Variants in TNFRSF10A observed in about 807,000 individuals in gnomAD.
The protein encoded by TNFRSF10A is TNF receptor superfamily member 10a, also known as tumor necrosis factor receptor superfamily member 10A.
In TNFRSF10A, 44 loss-of-function variants were observed where a neutral mutation model predicts 42.8. The ratio of observed to expected loss-of-function variants is 1.03; its 90% CI spans 0.81 to 1.32. The LOEUF is 1.32. TNFRSF10A is among the 40% of genes most tolerant of loss of function. The pLI, the probability that TNFRSF10A is intolerant of heterozygous loss-of-function variation, is 0.00. For missense variants in TNFRSF10A, 680 were observed against 602.0 expected (o/e 1.13, Z -1.36); for synonymous variants, 259 against 234.2 (o/e 1.11, Z -0.97).
intron 2 of TNFRSF10A, among the ~76,000 whole-genome samples, chr8:23,205,747 G>A (rs1185829660): frequency 7.5e-6 from 1 of 133,966 alleles, no homozygotes; most frequent in Non-Finnish European, 1.5e-5. Context: ...GTCACACTCC[G>A]TCACCCAGGC....
intron 2 of TNFRSF10A, chr8:23,207,333 T>C (rs1801029688): frequency 3.4e-6 from 2 of 591,700 alleles, no homozygotes; most frequent in Non-Finnish European, 6.5e-6. Flanking sequence ...CTGATTACCA[T>C]GTCTTGGATG....
intron 8 of TNFRSF10A, among the ~76,000 whole-genome samples, chr8:23,198,029 T>A (rs1031014084): frequency 1.3e-5 from 2 of 152,170 alleles, no homozygotes; most frequent in Non-Finnish European, 2.9e-5. Flanking sequence ...CTTTTTTTTT[T>A]AATTACATTT....
At chr8:23,220,369 T>C (rs887724819) in intron 1 of TNFRSF10A, among the ~76,000 whole-genome samples, 8 of 152,218 alleles carry the variant, frequency 5.3e-5, no homozygotes, top group African/African-American at 1.9e-4. Context: ...CACCTCTCTC[T>C]TTAGCAAAGT....
At chr8:23,201,983 C>A in intron 3 of TNFRSF10A, 64 bp from the exon 4 acceptor site, 2 of 1,428,214 alleles carry the variant, frequency 1.4e-6, no homozygotes, top group African/African-American at 1.4e-5. Context: ...CCTTTCCTCA[C>A]CACCCCAACT....
At chr8:23,219,124 C>T (rs1801223907) in intron 1 of TNFRSF10A, among the ~76,000 whole-genome samples, 1 of 152,112 alleles carries the variant, frequency 6.6e-6, no homozygotes, top group East Asian at 1.9e-4. Flanking sequence ...CCCCATGCTT[C>T]CTGATAGTTA....
intron 2 of TNFRSF10A, among the ~76,000 whole-genome samples, chr8:23,204,727 A>C (rs560092958): frequency 1.3e-5 from 2 of 152,312 alleles, no homozygotes; most frequent in South Asian, 4.1e-4. Context: ...AATGGAATAA[A>C]ATTAGAAATC....
chr8:23,200,933 G>A (rs1019333596), intron 4 of TNFRSF10A, among the ~76,000 whole-genome samples, 173 bp from the exon 5 acceptor site: 6 of 152,184 alleles, frequency 3.9e-5, no homozygotes, highest in African/African-American at 1.4e-4. Context: ...CTGGGGAAGG[G>A]TCTGAGCATG....
At chr8:23,218,477 G>A (rs1316305640) in intron 1 of TNFRSF10A, among the ~76,000 whole-genome samples, 4 of 152,024 alleles carry the variant, frequency 2.6e-5, no homozygotes, top group East Asian at 1.9e-4. Flanking sequence ...TGAGTCTTTC[G>A]TGGCTTTTTT....
chr8:23,224,447 T>C (rs1353161128), intron 1 of TNFRSF10A: 3 of 403,730 alleles, frequency 7.4e-6, no homozygotes, highest in African/African-American at 2.2e-5. Flanking sequence ...GCTCTATCGA[T>C]TCCGAAACTT....
At chr8:23,192,128 T>C (rs1156405777) in intron 9 of TNFRSF10A, 115 bp from the exon 10 acceptor site, 59 of 1,476,258 alleles carry the variant, frequency 4.0e-5, no homozygotes, top group Non-Finnish European at 5.3e-5. Context: ...GCCCCCTGCA[T>C]GGGCAAACCT....
At chr8:23,193,755 G>A (rs778738780) in intron 9 of TNFRSF10A, among the ~76,000 whole-genome samples, 1 of 152,212 alleles carries the variant, frequency 6.6e-6, no homozygotes, top group African/African-American at 2.4e-5. Flanking sequence ...GTTTGTTGCT[G>A]CAGCAGTTGT....
At chr8:23,212,620 G>C (rs1801106944) in intron 1 of TNFRSF10A, among the ~76,000 whole-genome samples, 1 of 152,144 alleles carries the variant, frequency 6.6e-6, no homozygotes, top group East Asian at 1.9e-4. Context: ...TGGGCACTTG[G>C]TTTGTGTTCA....
At chr8:23,223,578 A>G (rs565841301) in intron 1 of TNFRSF10A, among the ~76,000 whole-genome samples, 1 of 152,356 alleles carries the variant, frequency 6.6e-6, no homozygotes, top group East Asian at 1.9e-4. Context: ...AAATTCTGTA[A>G]TTATTTGGAG....
chr8:23,206,766 A>C (rs2128849277), intron 2 of TNFRSF10A, among the ~76,000 whole-genome samples: 1 of 152,342 alleles, frequency 6.6e-6, no homozygotes, highest in South Asian at 2.1e-4. Context: ...ACAAAAAATT[A>C]GGTACCTTGG....
intron 6 of TNFRSF10A, 58 bp downstream of exon 6, chr8:23,200,447 G>A: frequency 6.3e-7 from 1 of 1,587,348 alleles, no homozygotes; most frequent in Non-Finnish European, 8.7e-7. Context: ...CTGTCTGTGG[G>A]AACAGAAGAA....
At chr8:23,192,801 T>A (rs144695881) in intron 9 of TNFRSF10A, among the ~76,000 whole-genome samples, 168 of 152,360 alleles carry the variant, frequency 1.1e-3, no homozygotes, top group African/African-American at 3.9e-3. Flanking sequence ...GTTTTTTTGA[T>A]AAACAGAAAT....
intron 9 of TNFRSF10A, among the ~76,000 whole-genome samples, 188 bp from the exon 10 acceptor site, chr8:23,192,201 TGGCCCCCAAGGCGCTGACGG>T (rs1800764967): frequency 6.6e-6 from 1 of 152,152 alleles, no homozygotes; most frequent in Non-Finnish European, 1.5e-5. Context: ...CTGGCCTCTG[TGGCCCCCAAGGCGCTGACGG>T]GCGTCAAGGT....
At chr8:23,219,361 G>T (rs1801226265) in intron 1 of TNFRSF10A, among the ~76,000 whole-genome samples, 1 of 139,884 alleles carries the variant, frequency 7.1e-6, no homozygotes, top group South Asian at 2.4e-4. Context: ...ACAGCACAGG[G>T]ATGGGACCCC....
At position 23,224,863 on chromosome 8, in the gene TNFRSF10A, G is replaced by A. The variant is rs1255227138; in HGVS notation, c.199C>T (p.Arg67Trp). The A allele has an allele frequency of 1.3e-5, 21 of 1,572,032 alleles. No homozygotes were observed. Among genetic ancestry groups the A allele is most frequent in the Admixed American group, 5.6e-5 (3 of 53,806 alleles). ...CCTGGGGCGCGCCCTGCCCGGGCCCGGGCACTGGGTCCGTGCTGTCCCATG... is the reference window on the plus strand; with the variant it reads ...CCTGGGGCGCGCCCTGCCCGGGCCCAGGCACTGGGTCCGTGCTGTCCCATG... ...TSMGQHGPSA[R>W]ARAGRAPGPR... Residue 67 changes from arginine to tryptophan, a missense_variant, in exon 1 of 10, where the codon CGG (arginine) becomes TGG (tryptophan). Physicochemically the swap from Arg to Trp is moderately radical, Grantham distance 101. Coordinates refer to ENST00000221132, the MANE Select transcript of TNFRSF10A (RefSeq NM_003844.4).
Sources: gnomAD v4.1 joint callset for allele counts (sites outside exome capture counted in the v4.1 genomes callset) on GRCh38, gnomAD v4.1.1 for gene constraint, MANE v1.5 for transcripts, NCBI Gene and HGNC (gene_info 2026-07-23, HGNC 2026-07-21) for gene names.